The following RASEF variants were observed in gnomAD, a reference collection of about 807,000 sequenced individuals.
RASEF encodes the protein RAS and EF-hand domain containing, also known as ras and EF-hand domain-containing protein.
RASEF carries 68 observed loss-of-function variants against 90.1 expected under a neutral mutation model. The observed-to-expected ratio is 0.75, with a 90% CI of 0.62 to 0.92. The LOEUF is 0.92. Among genes scored for constraint, RASEF ranks in the 40% least tolerant of loss-of-function variants. The pLI is 0.00. For missense variants in RASEF, 949 were observed against 937.2 expected, an observed-to-expected ratio of 1.01 and a Z score of -0.16; for synonymous variants, 331 against 345.2, an observed-to-expected ratio of 0.96 and a Z score of 0.46.
the RASEF span, among the ~76,000 whole-genome samples, chr9:83,091,421 G>T: frequency 2.0e-5 from 3 of 152,124 alleles, no homozygotes; most frequent in African/African-American, 7.2e-5. Context: ...CAGGCATGGT[G>T]GTGCGCACAT....
At chr9:83,037,131 T>C (rs932244000) in intron 1 of RASEF, among the ~76,000 whole-genome samples, 1 of 152,202 alleles carries the variant, frequency 6.6e-6, no homozygotes, top group African/African-American at 2.4e-5. Flanking sequence ...CTGTGAAACA[T>C]GACTTTTTTC....
the RASEF span, among the ~76,000 whole-genome samples, chr9:83,139,205 C>A: frequency 1.3e-5 from 2 of 152,132 alleles, no homozygotes; most frequent in African/African-American, 4.8e-5. Context: ...GATGCATGTG[C>A]ACATTCATGT....
chr9:83,047,774 C>T (rs1013936299), intron 1 of RASEF, among the ~76,000 whole-genome samples: 2 of 152,276 alleles, frequency 1.3e-5, no homozygotes. Context: ...ATCCCACAAA[C>T]TTAGAAGGGA....
intron 1 of RASEF, among the ~76,000 whole-genome samples, chr9:83,060,145 C>T (rs766017788): frequency 6.6e-5 from 10 of 152,088 alleles, no homozygotes; most frequent in Non-Finnish European, 1.3e-4. Context: ...GGCAGACTGT[C>T]CCCAGGGATA....
At chr9:83,145,202 C>A in the RASEF span, among the ~76,000 whole-genome samples, 2 of 151,984 alleles carry the variant, frequency 1.3e-5, no homozygotes, top group Non-Finnish European at 2.9e-5. Flanking sequence ...GGACAGAACC[C>A]TATTTATAAC....
intron 1 of RASEF, among the ~76,000 whole-genome samples, chr9:83,033,107 A>AC (rs1829675143): frequency 6.6e-6 from 1 of 152,200 alleles, no homozygotes; most frequent in African/African-American, 2.4e-5. Context: ...TGCATCTAGA[A>AC]CCCAGTTTTT....
chr9:83,096,086 T>C, the RASEF span, among the ~76,000 whole-genome samples: 1 of 152,158 alleles, frequency 6.6e-6, no homozygotes, highest in African/African-American at 2.4e-5. Context: ...CCTTCTCCTA[T>C]CTGTAGAACA....
intron 6 of RASEF, among the ~76,000 whole-genome samples, chr9:83,008,601 G>A (rs1331940764): frequency 6.6e-6 from 1 of 151,890 alleles, no homozygotes; most frequent in East Asian, 1.9e-4. Context: ...ACAGTGCCTG[G>A]CAGGCAGCAG....
chr9:82,980,687 A>G lies in RASEF; in HGVS notation c.*1990T>C, dbSNP rs1363433012. On this transcript the variant is annotated 3_prime_UTR_variant, in exon 17 of 17. Transcript: ENST00000376447. ...ATGTGTCCCATATATCAGCATCTACATATATCTGATCCAATGTCATCAAAA... is the reference window on the plus strand; with the variant it reads ...ATGTGTCCCATATATCAGCATCTACGTATATCTGATCCAATGTCATCAAAA... The G allele has an allele frequency of 6.6e-6, 1 of 152,224 alleles. No homozygotes were observed. The highest frequency in any genetic ancestry group is 6.5e-5 in the Admixed American group (1 of 15,286). The allele number at this position is 152,224 out of a possible 1,614,324, so 9.4% of individuals were successfully genotyped here. A position where few individuals can be genotyped will look rare whatever the true frequency, so the allele number is the denominator to read the frequency against.
the RASEF span, among the ~76,000 whole-genome samples, chr9:83,189,918 A>G: frequency 6.6e-6 from 1 of 152,324 alleles, no homozygotes; most frequent in Non-Finnish European, 1.5e-5. Flanking sequence ...CAATTCCAAT[A>G]CAACGTTTAA....
chr9:83,004,038 T>C (rs969838403), intron 9 of RASEF, among the ~76,000 whole-genome samples: 11 of 152,210 alleles, frequency 7.2e-5, no homozygotes, highest in Non-Finnish European at 1.3e-4. Flanking sequence ...GTAGCTATTT[T>C]ACAAGGATCT....
At chr9:83,155,854 G>T in the RASEF span, among the ~76,000 whole-genome samples, 3 of 152,172 alleles carry the variant, frequency 2.0e-5, no homozygotes, top group Non-Finnish European at 4.4e-5. Flanking sequence ...CTTAGATTCA[G>T]CAGTCAACTG....
At chr9:83,032,154 T>C (rs79528799) in intron 1 of RASEF, among the ~76,000 whole-genome samples, 1,921 of 152,226 alleles carry the variant, frequency 0.013, 32 homozygotes, top group African/African-American at 0.044. Flanking sequence ...TTTTGTTCCC[T>C]CACAAGAGTG....
At chr9:83,211,945 C>T in the RASEF span, among the ~76,000 whole-genome samples, 1 of 152,108 alleles carries the variant, frequency 6.6e-6, no homozygotes, top group Non-Finnish European at 1.5e-5. Flanking sequence ...AAATTGTACT[C>T]ATGTATAATT....
chr9:82,982,562 G>T lies in RASEF; in HGVS notation c.*115C>A. 1 of 698,468 alleles carries T rather than the reference G, an allele frequency of 1.4e-6. No individual in the cohort carries two copies. Among genetic ancestry groups the T allele is most frequent in the Non-Finnish European group, 2.6e-6 (1 of 380,878 alleles). The allele number at this position is 698,468 out of a possible 1,614,324, so 43.3% of individuals were successfully genotyped here. A position where few individuals can be genotyped will look rare whatever the true frequency, so the allele number is the denominator to read the frequency against. On this transcript the variant is annotated 3_prime_UTR_variant, in exon 17 of 17. Coordinates refer to ENST00000376447, the MANE Select transcript of RASEF (RefSeq NM_152573.4). Reference sequence around the variant, plus strand: ...GAGCTGGGTTCAGGTTTCCTGCACTGTAACTCTCCATAGGACAGTGTCAGT... The same window carrying T: ...GAGCTGGGTTCAGGTTTCCTGCACTTTAACTCTCCATAGGACAGTGTCAGT...
chr9:82,998,478 T>C (rs766943918), intron 12 of RASEF, 32 bp from the exon 13 acceptor site: 7 of 1,354,950 alleles, frequency 5.2e-6, no homozygotes, highest in African/African-American at 2.9e-5. Flanking sequence ...GAGAGCACGA[T>C]GTAAATAATT....
intron 1 of RASEF, among the ~76,000 whole-genome samples, chr9:83,058,219 G>C (rs1271926519): frequency 1.9e-5 from 2 of 107,576 alleles, no homozygotes; most frequent in African/African-American, 8.0e-5. Flanking sequence ...GTCTCGCTCT[G>C]TCGCCCAGGC....
intron 1 of RASEF, among the ~76,000 whole-genome samples, chr9:83,029,914 G>A (rs1001857154): frequency 2.6e-5 from 4 of 152,138 alleles, no homozygotes; most frequent in East Asian, 3.8e-4. Flanking sequence ...TATTTATTAC[G>A]GGGCAGTGAA....
chr9:83,120,789 G>T, the RASEF span, among the ~76,000 whole-genome samples: 1 of 152,168 alleles, frequency 6.6e-6, no homozygotes, highest in East Asian at 1.9e-4. Context: ...CTGCCAGGAT[G>T]ACCTCATTCT....
Sources: gnomAD v4.1 joint callset for allele counts (sites outside exome capture counted in the v4.1 genomes callset) on GRCh38, gnomAD v4.1.1 for gene constraint, MANE v1.5 for transcripts, NCBI Gene and HGNC (gene_info 2026-07-23, HGNC 2026-07-21) for gene names.